The following MBNL1 variants were observed in gnomAD, a reference collection of about 807,000 sequenced individuals.
The protein encoded by MBNL1 is muscleblind like splicing regulator 1.
MBNL1 carries 8 observed loss-of-function variants against 42.2 expected under a neutral mutation model. The observed-to-expected ratio is 0.19, with a 90% CI of 0.11 to 0.34. The LOEUF (loss-of-function observed/expected upper bound fraction) is 0.34, where lower values mean the gene tolerates loss of function less well. Among genes scored for constraint, MBNL1 ranks in the 10% least tolerant of loss-of-function variants. The pLI, the probability that MBNL1 is intolerant of heterozygous loss-of-function variation, is 1.00. For synonymous variants in MBNL1, 169 were observed against 173.9 expected (o/e 0.97, Z 0.22); for missense variants, 309 against 495.3 (o/e 0.62, Z 3.57).
chr3:152,248,734 A>G (rs1478285028), intron 2 of MBNL1, among the ~76,000 whole-genome samples: 6 of 152,032 alleles, frequency 3.9e-5, no homozygotes, highest in Non-Finnish European at 8.8e-5. Flanking sequence ...ATCATTTAGC[A>G]TTAGGTATAT....
chr3:152,457,064 T>G (rs958086332), intron 8 of MBNL1, among the ~76,000 whole-genome samples: 31 of 152,192 alleles, frequency 2.0e-4, no homozygotes, highest in African/African-American at 7.5e-4. Context: ...CAGGATACTT[T>G]TAAGTGAAAG....
At chr3:152,415,344 C>G (rs1159461274) in intron 3 of MBNL1, among the ~76,000 whole-genome samples, 2 of 151,954 alleles carry the variant, frequency 1.3e-5, no homozygotes, top group Non-Finnish European at 2.9e-5. Flanking sequence ...TTTTTTTCCT[C>G]TAAATTTTTC....
At chr3:152,427,816 TTATA>T (rs1415602925) in intron 3 of MBNL1, among the ~76,000 whole-genome samples, 2 of 151,078 alleles carry the variant, frequency 1.3e-5, no homozygotes, top group South Asian at 2.1e-4. Flanking sequence ...TTTTATTTCT[TTATA>T]TACATACATA....
chr3:152,450,578 A>G (rs779766297), intron 6 of MBNL1, among the ~76,000 whole-genome samples: 5 of 152,180 alleles, frequency 3.3e-5, no homozygotes, highest in Non-Finnish European at 7.4e-5. Context: ...AGTATAGTCA[A>G]TGTTCAGACT....
chr3:152,411,474 C>A (rs768296625), intron 2 of MBNL1, among the ~76,000 whole-genome samples: 5 of 152,106 alleles, frequency 3.3e-5, no homozygotes, highest in Non-Finnish European at 7.4e-5. Flanking sequence ...GAGCCCAGAT[C>A]GCGCCACTGC....
intron 3 of MBNL1, among the ~76,000 whole-genome samples, chr3:152,424,488 G>A (rs1169238692): frequency 1.3e-5 from 2 of 151,696 alleles, no homozygotes; most frequent in Non-Finnish European, 2.9e-5. Flanking sequence ...CGTGAAAATG[G>A]CCATACTGTC....
At position 152,445,510 on chromosome 3, in the gene MBNL1, G is replaced by T; in HGVS notation, c.778G>T (p.Ala260Ser). 6.2e-7 allele frequency: 1 copy of T among 1,604,338 alleles called. No individual in the cohort carries two copies. Among genetic ancestry groups the T allele is most frequent in the South Asian group, 1.1e-5 (1 of 90,958 alleles). The change falls in exon 5 of 10, where the codon GCA (alanine) becomes TCA (serine). Residue 260 changes from alanine to serine, a missense_variant. By Grantham distance (99) the Ala-to-Ser change is moderately conservative. Coordinates refer to ENST00000324210, the MANE Select transcript of MBNL1 (RefSeq NM_021038.5). ...AQYQVNQAAA[A>S]QAAATAAAMG... ...ATACCAGGTCAACCAGGCTGCAGCT[G>T]CACAGGCTGCAGCCACCGCAGCTGC... is the stretch of plus-strand genomic sequence containing the variant.
rs12494393 is a variant in MBNL1 at position 152,322,897 on chromosome 3, A to G, written c.174+22530A>G. On this transcript the variant is annotated intron_variant, in intron 2 of 9. Transcript: ENST00000324210. ...TGTTTTGCATATGAATTTAATAAGC[A>G]TGAGACAGTGCTAGTGAATTACATT... is the stretch of plus-strand genomic sequence containing the variant. Among the ~76,000 whole-genome samples the G allele has an allele frequency of 6.4e-3, 967 of 152,186 alleles. 19 individuals carry two copies. Among genetic ancestry groups the G allele is most frequent in the Admixed American group, 0.026 (395 of 15,262 alleles).
intron 2 of MBNL1, among the ~76,000 whole-genome samples, chr3:152,364,898 G>A (rs2153191057): frequency 6.6e-6 from 1 of 151,190 alleles, no homozygotes. Context: ...AGAGTTTTTA[G>A]TAAAGATCCA....
chr3:152,255,451 T>G (rs1353158105), intron 2 of MBNL1, among the ~76,000 whole-genome samples: 1 of 152,182 alleles, frequency 6.6e-6, no homozygotes, highest in Non-Finnish European at 1.5e-5. Context: ...ACTTTATGGT[T>G]CTTCTCAGGA....
At chr3:152,448,681 A>G (rs909071608) in intron 6 of MBNL1, among the ~76,000 whole-genome samples, 1 of 152,098 alleles carries the variant, frequency 6.6e-6, no homozygotes, top group African/African-American at 2.4e-5. Flanking sequence ...CCAGCTCCCA[A>G]TTTTATATTA....
intron 4 of MBNL1, among the ~76,000 whole-genome samples, chr3:152,435,722 G>A (rs1188794059): frequency 2.0e-5 from 3 of 152,032 alleles, no homozygotes; most frequent in Admixed American, 6.5e-5. Flanking sequence ...TTTCTTTGAG[G>A]AGTGTTTTGT....
At chr3:152,379,394 G>T (rs2097080344) in intron 2 of MBNL1, among the ~76,000 whole-genome samples, 1 of 152,138 alleles carries the variant, frequency 6.6e-6, no homozygotes, top group Admixed American at 6.5e-5. Flanking sequence ...TTTCTTACAG[G>T]TTTAAATATT....
At chr3:152,354,327 C>T (rs562721731) in intron 2 of MBNL1, among the ~76,000 whole-genome samples, 3 of 152,180 alleles carry the variant, frequency 2.0e-5, no homozygotes, top group South Asian at 2.1e-4. Context: ...TGGTGGCTTC[C>T]GCCTGTGGTC....
At chr3:152,452,635 G>A (rs1421240625) in intron 6 of MBNL1, among the ~76,000 whole-genome samples, 1 of 152,084 alleles carries the variant, frequency 6.6e-6, no homozygotes, top group Admixed American at 6.6e-5. Context: ...ATGTCTGCAG[G>A]GCTATTGTGA....
At chr3:152,244,704 T>C (rs1039276365) in intron 2 of MBNL1, among the ~76,000 whole-genome samples, 1 of 152,196 alleles carries the variant, frequency 6.6e-6, no homozygotes, top group Non-Finnish European at 1.5e-5. Flanking sequence ...ATCTTTCTTG[T>C]GTATTTGTAA....
intron 2 of MBNL1, among the ~76,000 whole-genome samples, chr3:152,391,261 A>G (rs2097704199): frequency 6.6e-6 from 1 of 152,218 alleles, no homozygotes; most frequent in Non-Finnish European, 1.5e-5. Flanking sequence ...GCAGCATAAT[A>G]TTACACATTA....
chr3:152,268,971 C>G lies in MBNL1; in HGVS notation c.-911C>G, dbSNP rs1376127685. The G allele has an allele frequency of 2.2e-6, 1 of 456,200 alleles. No homozygotes were observed. Among genetic ancestry groups the G allele is most frequent in the Non-Finnish European group, 4.4e-6 (1 of 226,988 alleles). The allele number at this position is 456,200 out of a possible 1,614,324, so 28.3% of individuals were successfully genotyped here. On this transcript the variant is annotated 5_prime_UTR_variant, in exon 1 of 10. Coordinates refer to ENST00000324210, the MANE Select transcript of MBNL1 (RefSeq NM_021038.5). ...TGAATGAGTTGTGGCGCCCACAATG[C>G]TCCCATGACAAGGAGCTGACAAGTT...
At chr3:152,399,275 T>G (rs995405539) in intron 2 of MBNL1, among the ~76,000 whole-genome samples, 2 of 152,180 alleles carry the variant, frequency 1.3e-5, no homozygotes, top group Non-Finnish European at 2.9e-5. Flanking sequence ...GCCTTCTTCT[T>G]CCTTCATCAT....
Sources: allele counts gnomAD v4.1 joint callset (sites outside exome capture counted in the v4.1 genomes callset), GRCh38; gene constraint gnomAD v4.1.1; transcripts MANE v1.5; gene names NCBI Gene and HGNC (gene_info 2026-07-23, HGNC 2026-07-21).